The following NPAS3 variants were observed in gnomAD, a reference collection of about 807,000 sequenced individuals.
NPAS3 encodes the protein neuronal PAS domain protein 3.
A neutral mutation model predicts 73.1 loss-of-function variants in NPAS3; 14 were observed. The ratio of observed to expected loss-of-function variants is 0.19; its 90% CI spans 0.13 to 0.30. The LOEUF is 0.30. Ranked by LOEUF, NPAS3 falls within the 10% of genes least tolerant of loss-of-function variation. NPAS3 has a pLI of 1.00. For missense variants in NPAS3, 1,096 were observed against 1,250.0 expected (o/e 0.88, Z 1.86); for synonymous variants, 620 against 541.5 (o/e 1.14, Z -2.01).
chr14:33,799,290 T>C (rs1388408687), intron 11 of NPAS3, among the ~76,000 whole-genome samples: 1 of 152,178 alleles, frequency 6.6e-6, no homozygotes, highest in African/African-American at 2.4e-5. Flanking sequence ...GCAGACTCTT[T>C]AGAAAGTCAC....
At chr14:33,745,697 G>C (rs1038659088) in intron 7 of NPAS3, among the ~76,000 whole-genome samples, 5 of 152,164 alleles carry the variant, frequency 3.3e-5, no homozygotes, top group African/African-American at 1.2e-4. Context: ...TAATATTTCA[G>C]ATTATCTCCT....
chr14:33,147,356 G>A (rs1184334887), intron 2 of NPAS3, among the ~76,000 whole-genome samples: 1 of 152,086 alleles, frequency 6.6e-6, no homozygotes, highest in Non-Finnish European at 1.5e-5. Context: ...CAAAATGTGG[G>A]ATTTGAAAAG....
chr14:33,374,440 GT>G (rs1295130928), intron 4 of NPAS3, among the ~76,000 whole-genome samples: 1 of 151,902 alleles, frequency 6.6e-6, no homozygotes, highest in Non-Finnish European at 1.5e-5. Flanking sequence ...CTGCAGAGTT[GT>G]TTTTAGACAA....
intron 1 of NPAS3, among the ~76,000 whole-genome samples, chr14:32,949,094 T>C (rs1261694296): frequency 6.6e-6 from 1 of 152,092 alleles, no homozygotes; most frequent in East Asian, 1.9e-4. Flanking sequence ...AGTTCTAGAA[T>C]GGCTTTCTGT....
At chr14:33,545,557 C>G (rs1195394399) in intron 4 of NPAS3, among the ~76,000 whole-genome samples, 1 of 152,148 alleles carries the variant, frequency 6.6e-6, no homozygotes, top group African/African-American at 2.4e-5. Flanking sequence ...GTTCAAAGCT[C>G]GTGTGTCCTT....
chr14:33,209,095 T>C lies in NPAS3; in HGVS notation c.141-6087T>C, dbSNP rs118034945. 3.3e-5 allele frequency among the ~76,000 whole-genome samples: 5 copies of C among 152,332 alleles called. No individual in the cohort carries two copies. In the East Asian group the frequency reaches 9.6e-4, roughly 29 times the overall value. ...TCCAGTTTTAACTTCCAGCGTATAC[T>C]ATCCAGCTTTCTTTACACCTTAAAG... is the stretch of plus-strand genomic sequence containing the variant. On this transcript the variant is annotated intron_variant, in intron 2 of 11. Transcript: ENST00000356141.
chr14:33,732,119 A>G (rs1290149737), intron 6 of NPAS3, among the ~76,000 whole-genome samples: 1 of 152,340 alleles, frequency 6.6e-6, no homozygotes, highest in African/African-American at 2.4e-5. Flanking sequence ...TGCTTCTTAG[A>G]CATAAACTGT....
chr14:33,615,407 C>A (rs188700191), intron 5 of NPAS3, among the ~76,000 whole-genome samples: 1 of 152,012 alleles, frequency 6.6e-6, no homozygotes, highest in African/African-American at 2.4e-5. Context: ...AGGGCAGAAC[C>A]GGAGCAAGGG....
intron 7 of NPAS3, among the ~76,000 whole-genome samples, chr14:33,740,843 A>G (rs1437337928): frequency 6.6e-6 from 1 of 152,040 alleles, no homozygotes; most frequent in Non-Finnish European, 1.5e-5. Context: ...TTTTTTCTGA[A>G]TATAAACATT....
At chr14:33,608,935 CTAAA>C (rs1294720064) in intron 5 of NPAS3, among the ~76,000 whole-genome samples, 2 of 152,118 alleles carry the variant, frequency 1.3e-5, no homozygotes, top group East Asian at 3.9e-4. Flanking sequence ...GCATATGAAA[CTAAA>C]GAAAAAGTTC....
At chr14:33,343,145 C>G (rs1029237706) in intron 3 of NPAS3, among the ~76,000 whole-genome samples, 1 of 152,160 alleles carries the variant, frequency 6.6e-6, no homozygotes, top group Non-Finnish European at 1.5e-5. Flanking sequence ...CTGGTGGTCT[C>G]TTGCTCAGTA....
intron 4 of NPAS3, among the ~76,000 whole-genome samples, chr14:33,507,314 T>C (rs2052813127): frequency 6.6e-6 from 1 of 152,060 alleles, no homozygotes; most frequent in Non-Finnish European, 1.5e-5. Context: ...TCTAGTAATA[T>C]CTATTTGTGA....
chr14:33,500,609 G>A (rs1423105043), intron 4 of NPAS3, among the ~76,000 whole-genome samples: 1 of 151,876 alleles, frequency 6.6e-6, no homozygotes, highest in African/African-American at 2.4e-5. Flanking sequence ...CTCATTCACA[G>A]AAATACTATG....
intron 2 of NPAS3, among the ~76,000 whole-genome samples, chr14:33,069,558 G>A (rs2041409380): frequency 6.6e-6 from 1 of 152,092 alleles, no homozygotes; most frequent in Admixed American, 6.5e-5. Context: ...TTATTTGCTG[G>A]GTGATCTTGA....
chr14:33,789,738 G>A (rs950993558), intron 9 of NPAS3, among the ~76,000 whole-genome samples: 6 of 145,208 alleles, frequency 4.1e-5, no homozygotes, highest in African/African-American at 1.0e-4. Flanking sequence ...ACAGGCGCCC[G>A]CCACCACGCC....
At chr14:33,132,572 C>T (rs1453845835) in intron 2 of NPAS3, among the ~76,000 whole-genome samples, 1 of 151,964 alleles carries the variant, frequency 6.6e-6, no homozygotes, top group Admixed American at 6.6e-5. Flanking sequence ...GGACTATAAG[C>T]ACGTAGATGG....
At chr14:33,193,791 TTTC>T in intron 2 of NPAS3, among the ~76,000 whole-genome samples, 1 of 152,218 alleles carries the variant, frequency 6.6e-6, no homozygotes, top group Non-Finnish European at 1.5e-5. Flanking sequence ...ACATGAGTAT[TTTC>T]TTCATCTGGC....
At chr14:33,587,563 G>A (rs1595217795) in intron 5 of NPAS3, among the ~76,000 whole-genome samples, 1 of 152,066 alleles carries the variant, frequency 6.6e-6, no homozygotes, top group Non-Finnish European at 1.5e-5. Context: ...GACACACTTA[G>A]CATAGTACCG....
intron 4 of NPAS3, among the ~76,000 whole-genome samples, chr14:33,399,782 T>G (rs2047373666): frequency 6.6e-6 from 1 of 152,066 alleles, no homozygotes; most frequent in African/African-American, 2.4e-5. Context: ...TTATATTTAA[T>G]GTAACTCTAA....
Sources: gnomAD v4.1 joint callset for allele counts (sites outside exome capture counted in the v4.1 genomes callset) on GRCh38, gnomAD v4.1.1 for gene constraint, MANE v1.5 for transcripts, NCBI Gene and HGNC (gene_info 2026-07-23, HGNC 2026-07-21) for gene names.